Variants in MS4A18 observed in about 807,000 individuals in gnomAD.
MS4A18 encodes the protein membrane-spanning 4-domains subfamily A member 18.
In MS4A18, 27 loss-of-function variants were observed where a neutral mutation model predicts 13.1. The ratio of observed to expected loss-of-function variants is 2.06; its 90% CI spans 1.52 to 2.84. The LOEUF is 2.84. MS4A18 is among the 30% of genes most tolerant of loss of function. The pLI, the probability that MS4A18 is intolerant of heterozygous loss-of-function variation, is 0.00. For synonymous variants in MS4A18, 126 were observed against 76.5 expected (o/e 1.65, Z -3.38); for missense variants, 307 against 196.4 (o/e 1.56, Z -3.37).
intron 5 of MS4A18, among the ~76,000 whole-genome samples, chr11:60,743,101 A>G (rs1270410332): frequency 1.3e-5 from 2 of 152,166 alleles, no homozygotes; most frequent in African/African-American, 2.4e-5. Flanking sequence ...CCCAAACCCA[A>G]TGCATGTGTT....
chr11:60,743,410 G>C (rs1853435370), intron 5 of MS4A18, among the ~76,000 whole-genome samples: 1 of 152,208 alleles, frequency 6.6e-6, no homozygotes, highest in Non-Finnish European at 1.5e-5. Flanking sequence ...CAGCAGGCAG[G>C]CCAGTCTTTA....
chr11:60,744,136 C>T (rs1853452315), exon 6 of MS4A18: 4 of 599,814 alleles, frequency 6.7e-6, no homozygotes, highest in African/African-American at 5.6e-5. Flanking sequence ...CAAGCATTTC[C>T]TCTCCTCTTC....
At chr11:60,733,543 A>T in exon 2 of MS4A18, 1 of 703,162 alleles carries the variant, frequency 1.4e-6, no homozygotes, top group Middle Eastern at 2.3e-4. Context: ...GGCCATCCAG[A>T]TCCTCATCGG....
chr11:60,741,215 C>A, intron 5 of MS4A18, 72 bp downstream of exon 6: 1 of 701,078 alleles, frequency 1.4e-6, no homozygotes, highest in Non-Finnish European at 2.6e-6. Context: ...CAAGAGGTAA[C>A]CAGAGATCTG....
chr11:60,741,105 C>A, exon 5 of MS4A18: 1 of 703,052 alleles, frequency 1.4e-6, no homozygotes, highest in Non-Finnish European at 2.6e-6. Flanking sequence ...TGTGGTCTCA[C>A]ATTTTGGGTG....
chr11:60,737,879 A>G (rs1853363971), intron 3 of MS4A18, among the ~76,000 whole-genome samples: 1 of 152,198 alleles, frequency 6.6e-6, no homozygotes, highest in Admixed American at 6.5e-5. Context: ...GTGGCCCCAC[A>G]ATCTGCCTTG....
At chr11:60,740,456 A>G (rs1853398659) in intron 4 of MS4A18, among the ~76,000 whole-genome samples, 1 of 152,162 alleles carries the variant, frequency 6.6e-6, no homozygotes, top group African/African-American at 2.4e-5. Context: ...TGAGGCAGGG[A>G]TACTGGAAGA....
intron 5 of MS4A18, 51 bp from the exon 7 acceptor site, chr11:60,743,599 T>C: frequency 1.5e-6 from 1 of 679,526 alleles, no homozygotes; most frequent in East Asian, 2.7e-5. Flanking sequence ...ATGGCCATTG[T>C]TGTTGTTTAC....
upstream of MS4A18, chr11:60,729,260 A>C (rs1853212405): frequency 4.5e-6 from 3 of 666,306 alleles, no homozygotes; most frequent in African/African-American, 5.3e-5. Context: ...TGCATTATTC[A>C]TTTTGTCAGA....
rs1431428234 is a variant in MS4A18 at position 60,738,788 on chromosome 11, C to T, written c.649-114C>T. On this transcript the variant is annotated intron_variant, in intron 3 of 5. Coordinates refer to ENST00000529108, the Ensembl canonical transcript of MS4A18. ...ATAAATGCTTCTCCACCCTGCCTGGCCAACTCTTTTCTGCCCTGCCTTCTC... is the reference window on the plus strand; with the variant it reads ...ATAAATGCTTCTCCACCCTGCCTGGTCAACTCTTTTCTGCCCTGCCTTCTC... The T allele has an allele frequency of 4.9e-6, 3 of 613,620 alleles. No homozygotes were observed. In the East Asian group the frequency reaches 8.3e-5, roughly 17 times the overall value. 38.0% of individuals were successfully genotyped at this position (613,620 alleles called of 1,614,324 possible).
rs776911276 is a variant in MS4A18, at chr11:60,733,613, G to A, written c.557G>A (p.Trp186Ter). The A allele has an allele frequency of 9.9e-6, 7 of 703,524 alleles. No individual in the cohort carries two copies. The highest frequency in any genetic ancestry group is 1.8e-5 in the Non-Finnish European group (7 of 385,152). 43.6% of individuals were successfully genotyped at this position (703,524 alleles called of 1,614,324 possible). A position where few individuals can be genotyped will look rare whatever the true frequency, so the allele number is the denominator to read the frequency against. ...CTGTATTACTATCCTTTTGTGACCT[G>A]GTTGTCAGGGTACCCGCTCTGGGGA... is the stretch of plus-strand genomic sequence containing the variant. Residue 186 changes from tryptophan to a stop codon, truncating the protein, a stop_gained, in exon 2 of 6, where the codon TGG becomes TAG. Coordinates refer to ENST00000529108, the Ensembl canonical transcript of MS4A18. LOFTEE classifies it high-confidence loss of function.
At chr11:60,732,710 G>A (rs373971582) in intron 1 of MS4A18, among the ~76,000 whole-genome samples, 25 of 134,308 alleles carry the variant, frequency 1.9e-4, no homozygotes, top group African/African-American at 5.1e-4. Context: ...CAGCCTGGGC[G>A]ACAGGGCAAG....
At chr11:60,741,302 C>T (rs747249718) in intron 5 of MS4A18, among the ~76,000 whole-genome samples, 159 bp downstream of exon 6, 8 of 152,160 alleles carry the variant, frequency 5.3e-5, no homozygotes, top group Admixed American at 4.6e-4. Context: ...TAGTGACTTC[C>T]GGTTATTTAG....
upstream of MS4A18, chr11:60,729,300 G>A (rs1267487508): frequency 1.4e-6 from 1 of 694,018 alleles, no homozygotes; most frequent in Non-Finnish European, 2.6e-6. Flanking sequence ...TATGTGTTTT[G>A]CAGCAGTTGT....
At chr11:60,735,500 A>ATTTTTTT (rs56136215) in intron 2 of MS4A18, among the ~76,000 whole-genome samples, 8 of 110,094 alleles carry the variant, frequency 7.3e-5, no homozygotes, top group Admixed American at 9.7e-5. Context: ...TGCCCGGCTA[A>ATTTTTTT]TTTTTTTTTT....
intron 4 of MS4A18, 47 bp from the exon 6 acceptor site, chr11:60,740,983 C>T: frequency 1.4e-6 from 1 of 702,688 alleles, no homozygotes; most frequent in Non-Finnish European, 2.6e-6. Flanking sequence ...GTCACCTAGG[C>T]CATCAACCTG....
upstream of MS4A18, among the ~76,000 whole-genome samples, chr11:60,727,945 T>C (rs1032107934): frequency 6.6e-6 from 1 of 152,192 alleles, no homozygotes; most frequent in Non-Finnish European, 1.5e-5. Context: ...CCCCAAGTGA[T>C]TCCCTTCTCA....
At chr11:60,738,814 T>C (rs1853378066) in intron 3 of MS4A18, 88 bp from the exon 5 acceptor site, 1 of 657,354 alleles carries the variant, frequency 1.5e-6, no homozygotes, top group Admixed American at 2.3e-5. Flanking sequence ...CTGCCTTCTC[T>C]CTTCTCCGAC....
upstream of MS4A18, among the ~76,000 whole-genome samples, chr11:60,727,754 T>C (rs538734789): frequency 6.6e-6 from 1 of 152,310 alleles, no homozygotes; most frequent in South Asian, 2.1e-4. Flanking sequence ...TAAAGTACAC[T>C]AGTAACATTA....
Sources: allele counts gnomAD v4.1 joint callset (sites outside exome capture counted in the v4.1 genomes callset), GRCh38; gene constraint gnomAD v4.1.1; transcripts MANE v1.5; gene names NCBI Gene and HGNC (gene_info 2026-07-23, HGNC 2026-07-21).